LHCGR: variants seen among roughly 807,000 people sequenced by gnomAD.
The protein encoded by LHCGR is luteinizing hormone/choriogonadotropin receptor.
A neutral mutation model predicts 60.7 loss-of-function variants in LHCGR; 55 were observed. The observed-to-expected ratio is 0.91, with a 90% CI of 0.73 to 1.13. The LOEUF (loss-of-function observed/expected upper bound fraction) is 1.13, where lower values mean the gene tolerates loss of function less well. LHCGR is among the 50% of genes most tolerant of loss of function. The pLI, the probability that LHCGR is intolerant of heterozygous loss-of-function variation, is 0.00. For missense variants in LHCGR, 862 were observed against 836.0 expected, an observed-to-expected ratio of 1.03 and a Z score of -0.38; for synonymous variants, 337 against 316.5, an observed-to-expected ratio of 1.06 and a Z score of -0.69.
At position 48,705,089 on chromosome 2, in the gene LHCGR, G is replaced by A. The variant is rs555025957; in HGVS notation, c.680+3859C>T. The stretch of plus-strand genomic sequence containing the variant: ...TGTCCCAGAGATTCTGGTACATTAT[G>A]TCTTTGTTCTCATTGGTTTCAAAGA... On this transcript the variant is annotated intron_variant, in intron 8 of 10. Coordinates refer to ENST00000294954, the MANE Select transcript of LHCGR (RefSeq NM_000233.4). Among the ~76,000 whole-genome samples, 3 of 152,252 alleles carry A rather than the reference G, an allele frequency of 2.0e-5. No individual in the cohort carries two copies. The South Asian group carries it at 6.2e-4, about 32-fold the overall frequency.
intron 7 of LHCGR, among the ~76,000 whole-genome samples, chr2:48,712,223 C>T (rs1379082127): frequency 1.3e-5 from 2 of 152,014 alleles, no homozygotes; most frequent in African/African-American, 4.8e-5. Flanking sequence ...GCTTTGCCTT[C>T]TGTTTTAGTT....
intron 9 of LHCGR, 133 bp from the exon 10 acceptor site, chr2:48,694,437 C>A: frequency 1.5e-6 from 1 of 675,322 alleles, no homozygotes; most frequent in Non-Finnish European, 2.7e-6. Context: ...CACCATTGTC[C>A]TAACTGAAAT....
rs560468007 is a variant in LHCGR, at chr2:48,716,625, G to A, written c.537-2571C>T. Among the ~76,000 whole-genome samples, 12 of 152,284 alleles carry A rather than the reference G, an allele frequency of 7.9e-5. No individual in the cohort carries two copies. In the South Asian group the frequency reaches 2.5e-3, roughly 32 times the overall value. The stretch of plus-strand genomic sequence containing the variant: ...GAACATAGGTACAGGGTTGATGCCT[G>A]TTGTCTTGCATAATTATACACAACC... On this transcript the variant is annotated intron_variant, in intron 6 of 10. Transcript: ENST00000294954.
At chr2:48,743,063 A>G (rs1399755678) in intron 1 of LHCGR, among the ~76,000 whole-genome samples, 1 of 152,264 alleles carries the variant, frequency 6.6e-6, no homozygotes, top group South Asian at 2.1e-4. Context: ...TACTACAAAC[A>G]CCTCTATGCA....
chr2:48,693,209 G>T (rs1046130621), intron 10 of LHCGR, among the ~76,000 whole-genome samples: 23 of 152,168 alleles, frequency 1.5e-4, no homozygotes, highest in African/African-American at 5.5e-4. Context: ...CAGACCTACT[G>T]CGAGAAAAGG....
chr2:48,718,849 C>T (rs891137501), intron 6 of LHCGR, among the ~76,000 whole-genome samples: 3 of 152,284 alleles, frequency 2.0e-5, no homozygotes, highest in Admixed American at 2.0e-4. Context: ...CCCCCCATTT[C>T]TGGGGGTTCA....
At position 48,686,882 on chromosome 2, in the gene LHCGR, A is replaced by T. The variant is rs750277302; in HGVS notation, c.*815T>A. On this transcript the variant is annotated 3_prime_UTR_variant, in exon 11 of 11. Coordinates refer to ENST00000294954, the MANE Select transcript of LHCGR (RefSeq NM_000233.4). ...AACTTCAGAGTAATTCTAACTCAGC[A>T]CATTTGTAGTGTACCATTGCCAAGA... 6.6e-6 allele frequency: 1 copy of T among 152,172 alleles called. No homozygotes were observed. Among genetic ancestry groups the T allele is most frequent in the Non-Finnish European group, 1.5e-5 (1 of 68,026 alleles). The allele number at this position is 152,172 out of a possible 1,614,324, so 9.4% of individuals were successfully genotyped here.
chr2:48,732,849 T>C (rs1242095980), intron 1 of LHCGR: 10 of 534,212 alleles, frequency 1.9e-5, no homozygotes, highest in South Asian at 1.4e-4. Flanking sequence ...TGATATAACC[T>C]AGAGAAAGTA....
At chr2:48,726,147 A>C (rs768090705) in intron 3 of LHCGR, among the ~76,000 whole-genome samples, 1 of 151,368 alleles carries the variant, frequency 6.6e-6, no homozygotes, top group Non-Finnish European at 1.5e-5. Context: ...CAAATTACCT[A>C]CTCTCCCTTG....
chr2:48,755,270 G>C (rs913758205), intron 1 of LHCGR, among the ~76,000 whole-genome samples: 1 of 151,934 alleles, frequency 6.6e-6, no homozygotes, highest in Non-Finnish European at 1.5e-5. Context: ...CTACTCCCCC[G>C]GCCACAGCCC....
intron 6 of LHCGR, among the ~76,000 whole-genome samples, chr2:48,722,278 G>T (rs1297634665): frequency 6.6e-6 from 1 of 152,208 alleles, no homozygotes; most frequent in Non-Finnish European, 1.5e-5. Context: ...AAGAACATGG[G>T]TTGAGTTATC....
At position 48,710,084 on chromosome 2, in the gene LHCGR, T is replaced by C. The variant is rs138415399; in HGVS notation, c.606-1062A>G. The stretch of plus-strand genomic sequence containing the variant: ...TACTAACACCCATTCCCCGCCTTCA[T>C]TGCTGTTTAAGAACTGCAAAAACCC... On this transcript the variant is annotated intron_variant, in intron 7 of 10. Coordinates refer to ENST00000294954, the MANE Select transcript of LHCGR (RefSeq NM_000233.4). 1.1e-4 allele frequency among the ~76,000 whole-genome samples: 16 copies of C among 152,288 alleles called. No homozygotes were observed. In the East Asian group the frequency reaches 2.3e-3, roughly 22 times the overall value.
chr2:48,747,878 T>C (rs1270132248), intron 1 of LHCGR, among the ~76,000 whole-genome samples: 1 of 152,176 alleles, frequency 6.6e-6, no homozygotes. Context: ...CACTATTCTA[T>C]GGACAGTCCA....
At chr2:48,705,781 G>C (rs567284338) in intron 8 of LHCGR, among the ~76,000 whole-genome samples, 31 of 151,650 alleles carry the variant, frequency 2.0e-4, no homozygotes, top group Non-Finnish European at 4.4e-4. Flanking sequence ...TTGAGCCTAT[G>C]TGTGTCTTTG....
In LHCGR at chr2:48,704,664, A is replaced by G. The variant is rs187833987; in HGVS notation, c.680+4284T>C. 2.0e-3 allele frequency among the ~76,000 whole-genome samples: 309 copies of G among 152,274 alleles called. 1 individual carries two copies. The highest frequency in any genetic ancestry group is 3.9e-3 in the Admixed American group (60 of 15,298). On this transcript the variant is annotated intron_variant, in intron 8 of 10. Coordinates refer to ENST00000294954, the MANE Select transcript of LHCGR (RefSeq NM_000233.4). ...TTTATCCATTTCTTCTAGATTTTCT[A>G]GTTTATTTGCATAGAGGTGTTTATA...
chr2:48,743,624 A>G (rs372303300), intron 1 of LHCGR, among the ~76,000 whole-genome samples: 1 of 151,954 alleles, frequency 6.6e-6, no homozygotes, highest in Non-Finnish European at 1.5e-5. Context: ...GCAGAAAAGG[A>G]CTTTGACAAA....
At chr2:48,749,147 G>C (rs111377303) in intron 1 of LHCGR, among the ~76,000 whole-genome samples, 57 of 152,274 alleles carry the variant, frequency 3.7e-4, no homozygotes, top group African/African-American at 1.3e-3. Flanking sequence ...TCTGAATTTG[G>C]CTGAGGTGGC....
At chr2:48,729,768 A>G (rs1223732838) in intron 2 of LHCGR, among the ~76,000 whole-genome samples, 1 of 152,166 alleles carries the variant, frequency 6.6e-6, no homozygotes. Flanking sequence ...TGCACATGGT[A>G]TCCATCCTGA....
intron 1 of LHCGR, among the ~76,000 whole-genome samples, chr2:48,738,037 T>A (rs1669276035): frequency 6.6e-6 from 1 of 152,218 alleles, no homozygotes; most frequent in Non-Finnish European, 1.5e-5. Flanking sequence ...TGTTTGTCGA[T>A]ACACTCTACT....
Sources: allele counts gnomAD v4.1 joint callset (sites outside exome capture counted in the v4.1 genomes callset), GRCh38; gene constraint gnomAD v4.1.1; transcripts MANE v1.5; gene names NCBI Gene and HGNC (gene_info 2026-07-23, HGNC 2026-07-21).